TRAPPC9: variants seen among roughly 807,000 people sequenced by gnomAD.
TRAPPC9 encodes IKK2 binding protein.
A neutral mutation model predicts 124.0 loss-of-function variants in TRAPPC9; 83 were observed. That is an observed-to-expected ratio of 0.67 (90% confidence interval 0.56 to 0.80). The LOEUF (loss-of-function observed/expected upper bound fraction) is 0.80, where lower values mean the gene tolerates loss of function less well. Ranked by LOEUF, TRAPPC9 falls within the 30% of genes least tolerant of loss-of-function variation. The pLI, the probability that TRAPPC9 is intolerant of heterozygous loss-of-function variation, is 0.00. For missense variants in TRAPPC9, 1,302 were observed against 1,508.3 expected, an observed-to-expected ratio of 0.86 and a Z score of 2.27; for synonymous variants, 638 against 617.5, an observed-to-expected ratio of 1.03 and a Z score of -0.49.
chr8:139,985,399 A>T (rs1414389983), intron 19 of TRAPPC9, among the ~76,000 whole-genome samples: 3 of 152,186 alleles, frequency 2.0e-5, no homozygotes, highest in Non-Finnish European at 4.4e-5. Flanking sequence ...ACAGTTCCCT[A>T]TGCAGCAGCA....
intron 18 of TRAPPC9, 49 bp downstream of exon 18, chr8:140,023,888 G>A: frequency 6.2e-7 from 1 of 1,613,002 alleles, no homozygotes; most frequent in Non-Finnish European, 8.5e-7. Flanking sequence ...TGAACGTAGT[G>A]CTGTTGAGAC....
At chr8:140,042,794 C>G (rs1368214032) in intron 17 of TRAPPC9, among the ~76,000 whole-genome samples, 2 of 152,246 alleles carry the variant, frequency 1.3e-5, no homozygotes, top group African/African-American at 4.8e-5. Flanking sequence ...TTCAACGACT[C>G]TTCTAGTCTG....
intron 16 of TRAPPC9, among the ~76,000 whole-genome samples, chr8:140,232,980 G>A (rs1033770434): frequency 2.0e-5 from 3 of 152,108 alleles, no homozygotes; most frequent in African/African-American, 4.8e-5. Flanking sequence ...TGAGTGTTTC[G>A]TGTGTTCTTC....
At chr8:140,155,900 G>A (rs1427643864) in intron 17 of TRAPPC9, among the ~76,000 whole-genome samples, 2 of 152,124 alleles carry the variant, frequency 1.3e-5, no homozygotes, top group Non-Finnish European at 2.9e-5. Context: ...CACTACTGAC[G>A]ATCAAGGGTA....
chr8:139,835,236 C>G (rs569613929), intron 21 of TRAPPC9, among the ~76,000 whole-genome samples: 1 of 152,366 alleles, frequency 6.6e-6, no homozygotes, highest in South Asian at 2.1e-4. Context: ...TGACCAGCTC[C>G]TCTGACCTCC....
chr8:139,953,324 C>T (rs1834770226), intron 19 of TRAPPC9, among the ~76,000 whole-genome samples: 1 of 152,272 alleles, frequency 6.6e-6, no homozygotes, highest in South Asian at 2.1e-4. Context: ...GACACACTGT[C>T]TCTACTAAAA....
At chr8:140,427,121 G>C (rs963545185) in intron 4 of TRAPPC9, among the ~76,000 whole-genome samples, 10 of 143,602 alleles carry the variant, frequency 7.0e-5, no homozygotes, top group Admixed American at 2.2e-4. Flanking sequence ...ATTTTTAGTA[G>C]AGACGGGTTT....
chr8:139,950,520 C>G (rs1455692859), intron 19 of TRAPPC9, among the ~76,000 whole-genome samples: 1 of 152,190 alleles, frequency 6.6e-6, no homozygotes, highest in African/African-American at 2.4e-5. Context: ...AGCAAGATAA[C>G]CAGTTGGCCG....
At chr8:140,250,289 A>G (rs1413093212) in intron 16 of TRAPPC9, among the ~76,000 whole-genome samples, 1 of 152,238 alleles carries the variant, frequency 6.6e-6, no homozygotes, top group African/African-American at 2.4e-5. Flanking sequence ...AACATTAATT[A>G]TCTTCCAGCT....
intron 17 of TRAPPC9, among the ~76,000 whole-genome samples, chr8:140,060,252 G>A (rs1563729787): frequency 6.6e-6 from 1 of 152,206 alleles, no homozygotes; most frequent in Non-Finnish European, 1.5e-5. Context: ...CTCTCATCCA[G>A]AAGGCCTCGG....
intron 7 of TRAPPC9, among the ~76,000 whole-genome samples, chr8:140,390,260 C>A (rs4736179): frequency 6.6e-6 from 1 of 151,746 alleles, no homozygotes; most frequent in Non-Finnish European, 1.5e-5. Flanking sequence ...AGAGGAGATC[C>A]GGCCACTGCA....
intron 5 of TRAPPC9, among the ~76,000 whole-genome samples, chr8:140,407,860 G>A (rs916887897): frequency 6.6e-6 from 1 of 152,106 alleles, no homozygotes; most frequent in Non-Finnish European, 1.5e-5. Context: ...GACCTCAAGC[G>A]ATCTGTCCAA....
intron 14 of TRAPPC9, 102 bp downstream of exon 14, chr8:140,283,787 C>G: frequency 7.8e-7 from 1 of 1,280,070 alleles, no homozygotes; most frequent in Non-Finnish European, 1.1e-6. Flanking sequence ...ATATTCTGGT[C>G]ATAAGAATTA....
At chr8:140,078,949 AATCTT>A (rs1189382837) in intron 17 of TRAPPC9, among the ~76,000 whole-genome samples, 2 of 152,032 alleles carry the variant, frequency 1.3e-5, no homozygotes, top group Non-Finnish European at 2.9e-5. Context: ...TCCCCACCCA[AATCTT>A]ATCTTGAATT....
intron 17 of TRAPPC9, among the ~76,000 whole-genome samples, chr8:140,067,313 T>C (rs917732348): frequency 1.3e-5 from 2 of 152,052 alleles, no homozygotes; most frequent in African/African-American, 4.8e-5. Context: ...CCAGCTAATT[T>C]TTTGTATTTT....
intron 7 of TRAPPC9, among the ~76,000 whole-genome samples, chr8:140,387,964 G>A (rs374600038): frequency 1.3e-4 from 19 of 151,882 alleles, no homozygotes; most frequent in Non-Finnish European, 2.2e-4. Context: ...GCAGAGACTC[G>A]GAACCAACCC....
intron 17 of TRAPPC9, among the ~76,000 whole-genome samples, chr8:140,207,073 G>A (rs2062940631): frequency 6.6e-6 from 1 of 152,204 alleles, no homozygotes; most frequent in African/African-American, 2.4e-5. Flanking sequence ...AGGCAGGCAG[G>A]AGCCGTGCGT....
intron 17 of TRAPPC9, among the ~76,000 whole-genome samples, chr8:140,159,359 G>T (rs1281883822): frequency 2.0e-5 from 3 of 152,166 alleles, no homozygotes. Context: ...GCCTTGCACA[G>T]AGCAGGCCCT....
chr8:140,056,509 T>C (rs1367714937), intron 17 of TRAPPC9, among the ~76,000 whole-genome samples: 2 of 151,840 alleles, frequency 1.3e-5, no homozygotes, highest in East Asian at 1.9e-4. Context: ...AATAAACTTA[T>C]GCATATAAAG....
Sources: allele counts gnomAD v4.1 joint callset (sites outside exome capture counted in the v4.1 genomes callset), GRCh38; gene constraint gnomAD v4.1.1; transcripts MANE v1.5; gene names NCBI Gene and HGNC (gene_info 2026-07-23, HGNC 2026-07-21).